SLC2A9: variants seen among roughly 807,000 people sequenced by gnomAD.
SLC2A9 encodes the protein solute carrier family 2 member 9.
Under a neutral mutation model 50.6 loss-of-function variants are expected in SLC2A9, and 39 were observed. The ratio of observed to expected loss-of-function variants is 0.77; its 90% confidence interval spans 0.60 to 1.01. The LOEUF (loss-of-function observed/expected upper bound fraction) is 1.01, where lower values mean the gene tolerates loss of function less well. SLC2A9 is among the 50% of genes least tolerant of loss of function. The pLI is 0.00. For missense variants in SLC2A9, 686 were observed against 677.6 expected (o/e 1.01, Z -0.14); for synonymous variants, 324 against 276.9 (o/e 1.17, Z -1.69).
intron 7 of SLC2A9, among the ~76,000 whole-genome samples, chr4:9,909,413 C>T (rs937519576): frequency 1.3e-5 from 2 of 152,146 alleles, no homozygotes; most frequent in Non-Finnish European, 2.9e-5. Flanking sequence ...GAAAACCTTC[C>T]ATCTTGTTGA....
intron 6 of SLC2A9, among the ~76,000 whole-genome samples, chr4:9,921,932 T>C (rs1261933179): frequency 6.6e-6 from 1 of 152,210 alleles, no homozygotes; most frequent in Non-Finnish European, 1.5e-5. Context: ...TGTTTTTTTT[T>C]TCTCTTTTCA....
At chr4:9,838,229 GTAA>G (rs1448148491) in intron 10 of SLC2A9, among the ~76,000 whole-genome samples, 4 of 152,206 alleles carry the variant, frequency 2.6e-5, no homozygotes, top group African/African-American at 9.6e-5. Flanking sequence ...GATGATGATG[GTAA>G]TGATGATGAC....
rs374512318 is a variant in SLC2A9, at chr4:9,890,671, A to G, written c.1154T>C (p.Ile385Thr). The G allele has an allele frequency of 4.3e-6, 7 of 1,614,024 alleles. No homozygotes were observed. In the African/African-American group the frequency reaches 5.3e-5, roughly 12 times the overall value. Residue 385 changes from isoleucine to threonine, a missense_variant, in exon 9 of 12, where the codon ATT (isoleucine) becomes ACT (threonine). Ile to Thr is a moderately conservative substitution (Grantham distance 89, BLOSUM62 -1). Transcript: ENST00000264784. ...GAGGCCCATGAGCCCAAAGCCACCA[A>G]TGAGGAGGGGTCTCCGTCCCAGGTG... ...IEHLGRRPLLIGGFGLMGLFF... is the reference protein window; with the variant it reads ...IEHLGRRPLLTGGFGLMGLFF...
chr4:9,858,415 G>C (rs1032011625), intron 10 of SLC2A9, among the ~76,000 whole-genome samples: 1 of 152,206 alleles, frequency 6.6e-6, no homozygotes, highest in Non-Finnish European at 1.5e-5. Context: ...TGCTATGGTG[G>C]AAAGGGGTGG....
At chr4:9,868,328 G>T (rs1158798439) in intron 10 of SLC2A9, among the ~76,000 whole-genome samples, 1 of 152,246 alleles carries the variant, frequency 6.6e-6, no homozygotes, top group African/African-American at 2.4e-5. Context: ...CACTGTGGCA[G>T]GGCAGGCAGC....
intron 2 of SLC2A9, among the ~76,000 whole-genome samples, chr4:10,009,140 C>G (rs1451384131): frequency 1.3e-5 from 2 of 152,172 alleles, no homozygotes; most frequent in Non-Finnish European, 2.9e-5. Context: ...ATGCCTCCCC[C>G]TCACCCCAAC....
At chr4:10,010,604 G>T (rs1210760226) in intron 2 of SLC2A9, among the ~76,000 whole-genome samples, 1 of 152,116 alleles carries the variant, frequency 6.6e-6, no homozygotes, top group Non-Finnish European at 1.5e-5. Flanking sequence ...TTTGATAGAC[G>T]CCAGGGAAAC....
intron 3 of SLC2A9, among the ~76,000 whole-genome samples, chr4:9,803,424 C>T (rs1721724796): frequency 6.6e-6 from 1 of 152,226 alleles, no homozygotes; most frequent in Non-Finnish European, 1.5e-5. Context: ...CACATCAATG[C>T]TTAACATAGG....
downstream of SLC2A9, among the ~76,000 whole-genome samples, chr4:9,779,564 G>A (rs537894531): frequency 4.0e-5 from 6 of 151,854 alleles, no homozygotes; most frequent in South Asian, 2.1e-4. Context: ...ACAGGCGCCC[G>A]CCACCATGCT....
intron 9 of SLC2A9, among the ~76,000 whole-genome samples, chr4:9,887,874 CAT>C (rs1466739406): frequency 1.3e-5 from 2 of 152,182 alleles, no homozygotes; most frequent in African/African-American, 4.8e-5. Flanking sequence ...ATGAGTTTGA[CAT>C]AGTCCTGGCA....
intron 4 of SLC2A9, among the ~76,000 whole-genome samples, 171 bp from the exon 5 acceptor site, chr4:9,980,908 A>T (rs1282870007): frequency 1.3e-5 from 2 of 152,216 alleles, no homozygotes; most frequent in African/African-American, 4.8e-5. Flanking sequence ...CATGAACTTT[A>T]TAATTTAATC....
chr4:9,802,619 TG>T (rs1721598916), intron 3 of SLC2A9, among the ~76,000 whole-genome samples: 1 of 147,874 alleles, frequency 6.8e-6, no homozygotes, highest in Non-Finnish European at 1.5e-5. Context: ...TGGAGTGCAA[TG>T]GTGTGATCTC....
intron 5 of SLC2A9, among the ~76,000 whole-genome samples, chr4:9,963,944 A>T (rs994704972): frequency 1.3e-5 from 2 of 152,098 alleles, no homozygotes; most frequent in African/African-American, 4.8e-5. Flanking sequence ...GTTAATTCCA[A>T]TGTGCTGTCT....
chr4:9,838,073 G>A (rs1015311452), intron 10 of SLC2A9, among the ~76,000 whole-genome samples: 1 of 152,264 alleles, frequency 6.6e-6, no homozygotes. Context: ...TACATGAAGG[G>A]CACTCAATAG....
chr4:10,004,726 C>T (rs1486486356), intron 2 of SLC2A9, among the ~76,000 whole-genome samples: 2 of 152,160 alleles, frequency 1.3e-5, no homozygotes, highest in South Asian at 2.1e-4. Context: ...ACTACAGAGC[C>T]CATGCCATCA....
At chr4:9,785,882 C>G (rs181665444) in intron 3 of SLC2A9, among the ~76,000 whole-genome samples, 3 of 152,100 alleles carry the variant, frequency 2.0e-5, no homozygotes, top group Admixed American at 6.5e-5. Flanking sequence ...TGCAAAAAAA[C>G]CCAGGGTGAG....
At chr4:9,871,092 T>C (rs1007036021) in intron 10 of SLC2A9, among the ~76,000 whole-genome samples, 10 of 152,122 alleles carry the variant, frequency 6.6e-5, no homozygotes, top group African/African-American at 9.7e-5. Context: ...TGGAAGATAA[T>C]ATTATTAATT....
At chr4:10,004,037 A>C (rs374436227) in intron 2 of SLC2A9, among the ~76,000 whole-genome samples, 14 of 152,242 alleles carry the variant, frequency 9.2e-5, no homozygotes, top group African/African-American at 3.1e-4. Context: ...CCCAGTGAGC[A>C]GGGATCCAGA....
chr4:9,855,379 A>C (rs1273256543), intron 10 of SLC2A9, among the ~76,000 whole-genome samples: 1 of 152,054 alleles, frequency 6.6e-6, no homozygotes, highest in Non-Finnish European at 1.5e-5. Flanking sequence ...CAAGCATACA[A>C]AATAAAATTC....
Sources: gnomAD v4.1 joint callset for allele counts (sites outside exome capture counted in the v4.1 genomes callset) on GRCh38, gnomAD v4.1.1 for gene constraint, MANE v1.5 for transcripts, NCBI Gene and HGNC (gene_info 2026-07-23, HGNC 2026-07-21) for gene names.